SNX24: variants seen among roughly 807,000 people sequenced by gnomAD.
The protein encoded by SNX24 is sorting nexin 24.
A neutral mutation model predicts 28.7 loss-of-function variants in SNX24; 22 were observed. That is an observed-to-expected ratio of 0.77 (90% CI 0.55 to 1.10). The LOEUF is 1.10. Ranked by LOEUF, SNX24 falls within the 50% of genes least tolerant of loss-of-function variation. SNX24 has a pLI of 0.00. For synonymous variants in SNX24, 69 were observed against 71.5 expected (o/e 0.96, Z 0.18); for missense variants, 221 against 201.1 (o/e 1.10, Z -0.60).
In SNX24 at chr5:123,021,958, A is replaced by C. The variant is rs549086631; in HGVS notation, n.384-7280A>C. On this transcript the variant is annotated intron_variant and non_coding_transcript_variant, in intron 5 of 5. Transcript: ENST00000502387. ...CTTAGCACAAATGCCATCCCTCCAGAGGCCCAAGAGAACCAAGAGGGGCCC... is the reference window on the plus strand; with the variant it reads ...CTTAGCACAAATGCCATCCCTCCAGCGGCCCAAGAGAACCAAGAGGGGCCC... Among the ~76,000 whole-genome samples the C allele has an allele frequency of 5.3e-5, 8 of 152,152 alleles. 1 individual carries two copies. Among genetic ancestry groups the C allele is most frequent in the South Asian group, 2.1e-4 (1 of 4,810 alleles).
intron 3 of SNX24, chr5:122,983,190 T>G (rs1761460584): frequency 8.6e-6 from 1 of 116,744 alleles, no homozygotes; most frequent in Admixed American, 9.2e-5. Flanking sequence ...GTGAGATTTT[T>G]CAGCCTTTTT....
At chr5:122,914,628 A>G (rs1229550419) in intron 1 of SNX24, among the ~76,000 whole-genome samples, 13 of 149,584 alleles carry the variant, frequency 8.7e-5, no homozygotes, top group Non-Finnish European at 1.6e-4. Flanking sequence ...GTCTTGGGAG[A>G]GTGTATGTGT....
chr5:123,012,463 A>G (rs1012973008), downstream of SNX24, among the ~76,000 whole-genome samples: 2 of 152,224 alleles, frequency 1.3e-5, no homozygotes, highest in African/African-American at 4.8e-5. Context: ...AGTCAAATTT[A>G]TAGAGACAGA....
rs79169273 is a variant in SNX24 at position 123,006,882 on chromosome 5, T to G, written c.443-800T>G. On this transcript the variant is annotated intron_variant, in intron 6 of 6. Transcript: ENST00000261369. ...GAGGCTAGATGCATATTTTTTTTCT[T>G]AAAATATTGGACTACTTTTATTTTC... Among the ~76,000 whole-genome samples, 1,265 of 152,350 alleles carry G rather than the reference T, an allele frequency of 8.3e-3. 17 individuals are homozygous for G. The highest frequency in any genetic ancestry group is 0.029 in the African/African-American group (1,199 of 41,584).
chr5:123,015,585 ACT>A (rs1215818664), intron 5 of SNX24, among the ~76,000 whole-genome samples: 2 of 151,948 alleles, frequency 1.3e-5, no homozygotes, highest in African/African-American at 4.8e-5. Context: ...TCACCCAAGA[ACT>A]CTGTACAACT....
chr5:123,004,607 G>C (rs950498348), intron 6 of SNX24, among the ~76,000 whole-genome samples: 6 of 152,140 alleles, frequency 3.9e-5, no homozygotes, highest in African/African-American at 1.2e-4. Context: ...TCTCAACTCT[G>C]TCCTGGGAGC....
At chr5:122,859,994 G>A (rs189287992) in intron 1 of SNX24, among the ~76,000 whole-genome samples, 10 of 152,194 alleles carry the variant, frequency 6.6e-5, no homozygotes, top group Admixed American at 5.2e-4. Context: ...AATAGTGGCT[G>A]CCCTTAGAGA....
rs1001899276 is a variant in SNX24 at position 123,025,722 on chromosome 5, T to C, written n.384-3516T>C. ...AAGCATATTTTAAGATTAAAATAAA[T>C]CACTGAAAGTACTCTCAATAAAAAT... On this transcript the variant is annotated intron_variant and non_coding_transcript_variant, in intron 5 of 5. Coordinates refer to the SNX24 transcript ENST00000502387. 5 of 1,505,180 alleles carry C rather than the reference T, an allele frequency of 3.3e-6. No homozygotes were observed. In the African/African-American group the frequency reaches 5.7e-5, roughly 17 times the overall value. 93.2% of individuals were successfully genotyped at this position (1,505,180 alleles called of 1,614,324 possible). A position where few individuals can be genotyped will look rare whatever the true frequency, so the allele number is the denominator to read the frequency against.
intron 3 of SNX24, among the ~76,000 whole-genome samples, chr5:122,967,219 TTATC>T (rs529547381): frequency 2.9e-4 from 44 of 152,310 alleles, no homozygotes; most frequent in Middle Eastern, 3.4e-3. Flanking sequence ...TTTACCCTTA[TTATC>T]TCCTAGCCCT....
chr5:122,878,463 G>A lies in SNX24; in HGVS notation c.60+32770G>A, dbSNP rs189236677. On this transcript the variant is annotated intron_variant, in intron 1 of 6. Coordinates refer to ENST00000261369, the MANE Select transcript of SNX24 (RefSeq NM_014035.4). ...GTCATAAGAGCAAGAAGGAAAAGCAGGGTCAGGTCAAGGCTTTTTGTAAAT... is the reference window on the plus strand; with the variant it reads ...GTCATAAGAGCAAGAAGGAAAAGCAAGGTCAGGTCAAGGCTTTTTGTAAAT... 2.1e-3 allele frequency among the ~76,000 whole-genome samples: 324 copies of A among 152,280 alleles called. 3 individuals carry two copies. The highest frequency in any genetic ancestry group is 3.9e-3 in the Non-Finnish European group (263 of 68,012).
At chr5:122,984,828 G>A (rs1489557379) in intron 3 of SNX24, among the ~76,000 whole-genome samples, 2 of 152,050 alleles carry the variant, frequency 1.3e-5, no homozygotes, top group Non-Finnish European at 2.9e-5. Context: ...GCACTTATTA[G>A]GATAATAGGA....
At chr5:122,925,953 A>G (rs917132555) in intron 1 of SNX24, among the ~76,000 whole-genome samples, 12 of 152,170 alleles carry the variant, frequency 7.9e-5, no homozygotes, top group Non-Finnish European at 1.8e-4. Flanking sequence ...CAGACAATAA[A>G]CCAACCAACC....
At chr5:122,910,585 A>G (rs2150088551) in intron 1 of SNX24, among the ~76,000 whole-genome samples, 1 of 149,354 alleles carries the variant, frequency 6.7e-6, no homozygotes, top group Non-Finnish European at 1.5e-5. Flanking sequence ...GTCATTTAGC[A>G]TTAGGTATAT....
intron 1 of SNX24, among the ~76,000 whole-genome samples, chr5:122,862,674 A>C (rs1484409524): frequency 6.6e-6 from 1 of 151,782 alleles, no homozygotes; most frequent in African/African-American, 2.4e-5. Flanking sequence ...ACCCAATGTA[A>C]AACAAGGCAT....
Position 122,890,137 on chromosome 5 carries a change from AT to A in SNX24, c.60+44447del, listed in dbSNP as rs756516875. Among the ~76,000 whole-genome samples the A allele has an allele frequency of 1.1e-4, 16 of 152,170 alleles. 2 individuals carry two copies. Among genetic ancestry groups the A allele is most frequent in the East Asian group, 3.9e-4 (2 of 5,178 alleles). On this transcript the variant is annotated intron_variant, in intron 1 of 6. Transcript: ENST00000261369. ...TATAGTAGGTAGATTTAGGTGACGC[AT>A]TTGGGGCTGGAAAACCTTCTTGGGG...
chr5:123,011,880 G>A (rs1364997824), downstream of SNX24, among the ~76,000 whole-genome samples: 2 of 152,142 alleles, frequency 1.3e-5, no homozygotes, highest in African/African-American at 4.8e-5. Context: ...ATAATGATAT[G>A]GTTTGGCTGT....
chr5:123,020,489 G>T (rs555414459), intron 5 of SNX24, among the ~76,000 whole-genome samples: 1 of 152,238 alleles, frequency 6.6e-6, no homozygotes, highest in African/African-American at 2.4e-5. Flanking sequence ...CAGTCTTAAT[G>T]AATGCATACT....
chr5:122,961,649 G>A (rs1029525811), intron 3 of SNX24, among the ~76,000 whole-genome samples: 34 of 152,184 alleles, frequency 2.2e-4, no homozygotes, highest in Admixed American at 8.5e-4. Context: ...GTTTGTTAGT[G>A]TGCCACATAT....
intron 3 of SNX24, among the ~76,000 whole-genome samples, chr5:122,970,948 C>T (rs1003076617): frequency 6.6e-6 from 1 of 152,140 alleles, no homozygotes; most frequent in Non-Finnish European, 1.5e-5. Flanking sequence ...AGGGACAGAA[C>T]TAATAGGATA....
Sources: gnomAD v4.1 joint callset for allele counts (sites outside exome capture counted in the v4.1 genomes callset) on GRCh38, gnomAD v4.1.1 for gene constraint, MANE v1.5 for transcripts, NCBI Gene and HGNC (gene_info 2026-07-23, HGNC 2026-07-21) for gene names.